Variants in ITGBL1 observed in about 807,000 individuals in gnomAD.
ITGBL1 encodes integrin subunit beta like 1.
ITGBL1 carries 51 observed loss-of-function variants against 68.5 expected under a neutral mutation model. That is an observed-to-expected ratio of 0.74 (90% CI 0.59 to 0.94). ITGBL1 has a LOEUF of 0.94. ITGBL1 is among the 40% of genes least tolerant of loss of function. The probability of loss-of-function intolerance (pLI) is 0.00; values close to 1 mark genes in which losing one functional copy is unlikely to be tolerated. For synonymous variants in ITGBL1, 209 were observed against 227.3 expected, an observed-to-expected ratio of 0.92 and a Z score of 0.72; for missense variants, 649 against 647.4, an observed-to-expected ratio of 1.00 and a Z score of -0.03.
At chr13:101,634,817 A>T (rs1044338059) in intron 7 of ITGBL1, among the ~76,000 whole-genome samples, 1 of 151,906 alleles carries the variant, frequency 6.6e-6, no homozygotes, top group African/African-American at 2.4e-5. Flanking sequence ...GCTATTTGCA[A>T]GGGGCAGGGA....
rs750974072 is a variant in ITGBL1 at position 101,583,309 on chromosome 13, G to T, written c.821G>T (p.Arg274Met). The stretch of plus-strand genomic sequence containing the variant: ...GGGGACACCTGTGAATGTGATGAGA[G>T]GGACTGTAGAGCTGTCTATGACCGA... ...IHGDTCECDE[R>M]DCRAVYDRYS... Residue 274 changes from arginine to methionine, a missense_variant, in exon 6 of 11, where the codon AGG (arginine) becomes ATG (methionine). Physicochemically the swap from Arg to Met is moderately conservative, Grantham distance 91. Transcript: ENST00000376180. 2.5e-6 allele frequency: 4 copies of T among 1,612,770 alleles called. No homozygotes were observed. The South Asian group carries it at 3.3e-5, about 13-fold the overall frequency.
At chr13:101,719,538 A>AAAG (rs1301334131), downstream of ITGBL1, 1 of 152,246 alleles carries the variant, frequency 6.6e-6, no homozygotes, top group East Asian at 1.9e-4. Context: ...TTTTCCAAGT[A>AAAG]AAGTGGTAGC....
intron 7 of ITGBL1, among the ~76,000 whole-genome samples, chr13:101,647,803 T>C (rs2139445028): frequency 6.6e-6 from 1 of 152,320 alleles, no homozygotes; most frequent in East Asian, 1.9e-4. Context: ...GGGAGCCAGC[T>C]ATTCCACCCT....
chr13:101,654,786 C>T (rs1393065201), intron 7 of ITGBL1, among the ~76,000 whole-genome samples: 1 of 151,978 alleles, frequency 6.6e-6, no homozygotes, highest in Non-Finnish European at 1.5e-5. Context: ...CTGGATGCAA[C>T]CACCCAGGGA....
At position 101,616,248 on chromosome 13, in the gene ITGBL1, C is replaced by T. The variant is rs146340385; in HGVS notation, c.1015+17949C>T. 1.7e-3 allele frequency among the ~76,000 whole-genome samples: 252 copies of T among 152,132 alleles called. 1 individual carries two copies. Among genetic ancestry groups the T allele is most frequent in the African/African-American group, 5.9e-3 (246 of 41,498 alleles). The stretch of plus-strand genomic sequence containing the variant: ...ATGTCCAAGACAGGAAATCCCATCA[C>T]GAAGCACAGAAAGATGAAAGGATAT... On this transcript the variant is annotated intron_variant, in intron 7 of 10. Coordinates refer to ENST00000376180, the MANE Select transcript of ITGBL1 (RefSeq NM_004791.3).
At chr13:101,545,772 C>T (rs889592326) in intron 2 of ITGBL1, among the ~76,000 whole-genome samples, 1 of 152,118 alleles carries the variant, frequency 6.6e-6, no homozygotes, top group Non-Finnish European at 1.5e-5. Context: ...ACTCATGGAC[C>T]AGCCTATGAT....
chr13:101,489,906 G>A (rs553763708), intron 2 of ITGBL1: 20 of 1,203,480 alleles, frequency 1.7e-5, no homozygotes, highest in African/African-American at 1.4e-4. Context: ...TTAGTGTGAC[G>A]GTTGCTAGCT....
At chr13:101,479,664 A>AT (rs1242996009) in intron 2 of ITGBL1, among the ~76,000 whole-genome samples, 2 of 152,060 alleles carry the variant, frequency 1.3e-5, no homozygotes, top group Non-Finnish European at 2.9e-5. Context: ...CTGAATGGAT[A>AT]TTTTTTGAAG....
intron 2 of ITGBL1, among the ~76,000 whole-genome samples, chr13:101,468,416 A>G (rs1440475041): frequency 2.0e-5 from 3 of 152,190 alleles, no homozygotes; most frequent in Non-Finnish European, 4.4e-5. Context: ...ATTTTCATAC[A>G]TATGAATTCA....
chr13:101,607,697 C>T (rs916832924), intron 7 of ITGBL1, among the ~76,000 whole-genome samples: 4 of 151,918 alleles, frequency 2.6e-5, no homozygotes, highest in South Asian at 2.1e-4. Flanking sequence ...GCTCTCCTGC[C>T]GGGGGCTTAA....
chr13:101,570,577 G>A (rs1594896521), intron 3 of ITGBL1, among the ~76,000 whole-genome samples: 1 of 152,248 alleles, frequency 6.6e-6, no homozygotes, highest in East Asian at 1.9e-4. Flanking sequence ...TTTTATCTGA[G>A]CAAACAATGA....
rs1422028143 is a variant in ITGBL1 at position 101,598,388 on chromosome 13, G to T, written c.1015+89G>T. The stretch of plus-strand genomic sequence containing the variant: ...CACACATCTTTTTGTTTGTTTGTTT[G>T]TTTTTTGTTTTCTGCTTTTTGGTTT... On this transcript the variant is annotated intron_variant, in intron 7 of 10. Transcript: ENST00000376180. The T allele has an allele frequency of 8.0e-5, 87 of 1,087,202 alleles. No homozygotes were observed. In the Middle Eastern group the frequency reaches 8.8e-4, roughly 11 times the overall value. The allele number at this position is 1,087,202 out of a possible 1,614,324, so 67.3% of individuals were successfully genotyped here.
In ITGBL1 at chr13:101,625,584, C is replaced by T. The variant is rs897019982; in HGVS notation, c.1015+27285C>T. ...TTTTTTTTTTTGAGATGAAGTTTCA[C>T]TCTTGTTGCCCAGGCTGGAGTACAA... On this transcript the variant is annotated intron_variant, in intron 7 of 10. Coordinates refer to ENST00000376180, the MANE Select transcript of ITGBL1 (RefSeq NM_004791.3). Among the ~76,000 whole-genome samples, 24 of 151,222 alleles carry T rather than the reference C, an allele frequency of 1.6e-4. No homozygotes were observed. In the East Asian group the frequency reaches 3.9e-3, roughly 25 times the overall value.
intron 7 of ITGBL1, among the ~76,000 whole-genome samples, chr13:101,645,599 A>G (rs778596237): frequency 4.6e-5 from 7 of 152,284 alleles, no homozygotes; most frequent in Non-Finnish European, 5.9e-5. Context: ...AAGTATAATC[A>G]ATACCTTGAG....
intron 7 of ITGBL1, among the ~76,000 whole-genome samples, chr13:101,668,377 A>G (rs1406896726): frequency 1.3e-5 from 2 of 151,878 alleles, no homozygotes; most frequent in Non-Finnish European, 2.9e-5. Flanking sequence ...GAAAGAGTGA[A>G]ACTCCATCTC....
At chr13:101,489,743 G>A (rs2048749068) in intron 2 of ITGBL1, among the ~76,000 whole-genome samples, 2 of 152,160 alleles carry the variant, frequency 1.3e-5, no homozygotes, top group Non-Finnish European at 2.9e-5. Flanking sequence ...TCACAGTACA[G>A]GAAAAAAGCA....
At chr13:101,604,902 ATATATATGTG>A (rs2030634948) in intron 7 of ITGBL1, among the ~76,000 whole-genome samples, 4 of 120,518 alleles carry the variant, frequency 3.3e-5, no homozygotes, top group Admixed American at 8.5e-5. Context: ...ACACACACAC[ATATATATGTG>A]CATATATGTG....
At chr13:101,608,208 C>G (rs2030962425) in intron 7 of ITGBL1, among the ~76,000 whole-genome samples, 1 of 151,932 alleles carries the variant, frequency 6.6e-6, no homozygotes, top group African/African-American at 2.4e-5. Context: ...TTTCAATTCC[C>G]TTACCTAGGA....
In ITGBL1 at chr13:101,583,311, GACTGTAGAGC is replaced by G. The variant is rs772124324; in HGVS notation, c.824_833del (p.Asp275ValfsTer129). 1.2e-6 allele frequency: 2 copies of G among 1,612,610 alleles called. No homozygotes were observed. The highest frequency in any genetic ancestry group is 1.7e-6 in the Non-Finnish European group (2 of 1,179,420). ...GGACACCTGTGAATGTGATGAGAGG[GACTGTAGAGC>G]TGTCTATGACCGATATTCTGATGAC... On this transcript the variant is annotated frameshift_variant, in exon 6 of 11. Transcript: ENST00000376180. LOFTEE classifies it high-confidence loss of function.
Sources: gnomAD v4.1 joint callset for allele counts (sites outside exome capture counted in the v4.1 genomes callset) on GRCh38, gnomAD v4.1.1 for gene constraint, MANE v1.5 for transcripts, NCBI Gene and HGNC (gene_info 2026-07-23, HGNC 2026-07-21) for gene names.